Variants in RFPL2 observed in about 807,000 individuals in gnomAD.
RFPL2 encodes ret finger protein like 2.
Under a neutral mutation model 17.8 loss-of-function variants are expected in RFPL2, and 13 were observed. That is an observed-to-expected ratio of 0.73 (90% CI 0.47 to 1.16). The LOEUF is 1.16. Ranked by LOEUF, RFPL2 falls within the 50% of genes most tolerant of loss-of-function variation. The pLI is 0.00. For missense variants in RFPL2, 431 were observed against 479.3 expected, an observed-to-expected ratio of 0.90 and a Z score of 0.94; for synonymous variants, 189 against 180.9, an observed-to-expected ratio of 1.04 and a Z score of -0.36.
In RFPL2 at chr22:32,192,921, T is replaced by TGG; in HGVS notation, c.535_536dup (p.Arg180GlnfsTer10). ...CCTTACCTTGGAACTTCCGCATCCT[T>TGG]GGGTTCATCTGCAGAATCTTCTTCA... is the stretch of plus-strand genomic sequence containing the variant. On this transcript the variant is annotated frameshift_variant, in exon 4 of 5. Transcript: ENST00000652607. LOFTEE classifies it low-confidence loss of function (END_TRUNC). 1 of 1,613,336 alleles carries TGG rather than the reference T, an allele frequency of 6.2e-7. No homozygotes were observed. The highest frequency in any genetic ancestry group is 8.5e-7 in the Non-Finnish European group (1 of 1,179,548).
At position 32,191,060 on chromosome 22, in the gene RFPL2, A is replaced by T; in HGVS notation, c.849T>A (p.Asp283Glu). 1 of 1,613,946 alleles carries T rather than the reference A, an allele frequency of 6.2e-7. No individual in the cohort carries two copies. The highest frequency in any genetic ancestry group is 2.2e-5 in the East Asian group (1 of 44,888). The change falls in exon 5 of 5, where the codon GAT (aspartate) becomes GAA (glutamate). Residue 283 changes from aspartate (D) to glutamate (E), a missense_variant. Asp to Glu is a conservative substitution (Grantham distance 45, BLOSUM62 2). Transcript: ENST00000652607. The stretch of plus-strand genomic sequence containing the variant: ...CCGTGGTGGCAGAGAGGCGGCCTCC[A>T]TCCCTCAAACTCACAGTCCAGAATC... ...ELGFWTVSLR[D>E]GGRLSATTVP... is the part of the protein sequence containing the mutation.
chr22:32,201,762 C>A lies in RFPL2; in HGVS notation c.119+571G>T, dbSNP rs115337579. Among the ~76,000 whole-genome samples, 1,249 of 152,242 alleles carry A rather than the reference C, an allele frequency of 8.2e-3. 18 individuals are homozygous for A. The highest frequency in any genetic ancestry group is 0.028 in the African/African-American group (1,182 of 41,528). Reference sequence around the variant, plus strand: ...GAACATAGCCCAGCCCCACCCAGCCCCTCTTGCATTGTCCCTGCTCTGTAG... The same window carrying A: ...GAACATAGCCCAGCCCCACCCAGCCACTCTTGCATTGTCCCTGCTCTGTAG... On this transcript the variant is annotated intron_variant, in intron 2 of 4. Coordinates refer to ENST00000652607, the MANE Select transcript of RFPL2 (RefSeq NM_001394555.1).
In RFPL2 at chr22:32,202,406, A is replaced by G; in HGVS notation, c.46T>C (p.Ser16Pro). 6.2e-7 allele frequency: 1 copy of G among 1,604,754 alleles called. No homozygotes were observed. The highest frequency in any genetic ancestry group is 8.5e-7 in the Non-Finnish European group (1 of 1,175,736). ...LGFPETAVSQ[S>P]RICLCAVLCG... ...AATACAGCACATAGACAGATCCTGG[A>G]TTGGGACACTGCAGTCTCTGGGAAG... Residue 16 changes from serine to proline, a missense_variant, in exon 2 of 5, where the codon TCC (serine) becomes CCC (proline). By Grantham distance (74) the Ser-to-Pro change is moderately conservative. Coordinates refer to ENST00000652607, the MANE Select transcript of RFPL2 (RefSeq NM_001394555.1).
At chr22:32,202,761 C>G (rs1407669149) in intron 1 of RFPL2, 2 of 1,124,720 alleles carry the variant, frequency 1.8e-6, no homozygotes, top group African/African-American at 3.2e-5. Flanking sequence ...CAGCTGCAGC[C>G]ACCCTGGCTG....
chr22:32,195,332 T>C (rs1166448773), intron 2 of RFPL2, among the ~76,000 whole-genome samples: 1 of 152,244 alleles, frequency 6.6e-6, no homozygotes, highest in Non-Finnish European at 1.5e-5. Context: ...TACTTTTTTT[T>C]CCTCTTTACT....
In RFPL2 at chr22:32,190,762, G is replaced by C. The variant is rs1162751178; in HGVS notation, c.*10C>G. 1 of 1,492,426 alleles carries C rather than the reference G, an allele frequency of 6.7e-7. No homozygotes were observed. Among genetic ancestry groups the C allele is most frequent in the African/African-American group, 1.4e-5 (1 of 70,792 alleles). 92.4% of individuals were successfully genotyped at this position (1,492,426 alleles called of 1,614,324 possible). ...TCTTACCCTGTTTTTTGTTTTTTTG[G>C]AGTGAGGGCTTATTTGGCCTCCCCA... is the stretch of plus-strand genomic sequence containing the variant. On this transcript the variant is annotated 3_prime_UTR_variant, in exon 5 of 5. Coordinates refer to ENST00000652607, the MANE Select transcript of RFPL2 (RefSeq NM_001394555.1).
At chr22:32,202,571 G>GT in intron 1 of RFPL2, 21 bp from the exon 2 acceptor site, 1 of 1,482,502 alleles carries the variant, frequency 6.7e-7, no homozygotes, top group South Asian at 1.4e-5. Context: ...ATGCAGAGTG[G>GT]TAACATTAGA....
intron 2 of RFPL2, among the ~76,000 whole-genome samples, chr22:32,196,408 G>A (rs1471762634): frequency 1.3e-5 from 2 of 152,176 alleles, no homozygotes; most frequent in Non-Finnish European, 2.9e-5. Context: ...ATGATTTACA[G>A]TGGGATGAGA....
chr22:32,202,355 T>C lies in RFPL2; in HGVS notation c.97A>G (p.Met33Val), dbSNP rs374900184. 32 of 1,603,336 alleles carry C rather than the reference T, an allele frequency of 2.0e-5. No homozygotes were observed. In the South Asian group the frequency reaches 2.0e-4, roughly 10 times the overall value. The change falls in exon 2 of 5, where the codon ATG becomes GTG. Residue 33 changes from methionine (M) to valine (V), a missense_variant. Coordinates refer to ENST00000652607, the MANE Select transcript of RFPL2 (RefSeq NM_001394555.1). ...VLCGHWDFAD[M>V]MVIRSLSLIR... ...CACCTCAGGCTCCTTATCACCATCA[T>C]GTCTGCAAAGTCCCAGTGGCCACAC...
At chr22:32,191,419 C>G in intron 4 of RFPL2, 67 bp from the exon 5 acceptor site, 1 of 1,513,370 alleles carries the variant, frequency 6.6e-7, no homozygotes, top group Non-Finnish European at 8.9e-7. Context: ...TCTTCTACTT[C>G]AAAGGCCCAA....
Position 32,204,894 on chromosome 22 carries a change from T to C in RFPL2, c.-287A>G, listed in dbSNP as rs537014168. Among the ~76,000 whole-genome samples, 162 of 152,344 alleles carry C rather than the reference T, an allele frequency of 1.1e-3. No homozygotes were observed. Among genetic ancestry groups the C allele is most frequent in the African/African-American group, 3.7e-3 (155 of 41,584 alleles). On this transcript the variant is annotated 5_prime_UTR_variant, in exon 1 of 5. Transcript: ENST00000652607. ...GTTCTGACTGGATGACAGCAAGTCT[T>C]AGGATAACCAATCAGAACAAGATAA...
At position 32,192,152 on chromosome 22, in the gene RFPL2, T is replaced by TA. The variant is rs780128501; in HGVS notation, c.556+749dup. The stretch of plus-strand genomic sequence containing the variant: ...CAGCAGAGAGACAGTCAGTTTTGGG[T>TA]AGGTGGAAGAGTAGAGATCGTGGGT... On this transcript the variant is annotated intron_variant, in intron 4 of 4. Transcript: ENST00000652607. 3.9e-5 allele frequency among the ~76,000 whole-genome samples: 6 copies of TA among 152,228 alleles called. No homozygotes were observed. In the East Asian group the frequency reaches 5.8e-4, roughly 15 times the overall value.
intron 1 of RFPL2, among the ~76,000 whole-genome samples, chr22:32,203,749 G>A (rs901948700): frequency 1.3e-5 from 2 of 150,262 alleles, no homozygotes; most frequent in Non-Finnish European, 3.0e-5. Context: ...GTCCCAGGTA[G>A]CGCCCCCAAT....
At position 32,203,821 on chromosome 22, in the gene RFPL2, C is replaced by A. The variant is rs537766607; in HGVS notation, c.-100+886G>T. Among the ~76,000 whole-genome samples, 29 of 151,640 alleles carry A rather than the reference C, an allele frequency of 1.9e-4. No homozygotes were observed. In the South Asian group the frequency reaches 5.4e-3, roughly 28 times the overall value. ...GCCCTCAACAAGCCCCTCCACTGAC[C>A]CCCGCCGCTGTGGGAAATGACGCCC... On this transcript the variant is annotated intron_variant, in intron 1 of 4. Coordinates refer to ENST00000652607, the MANE Select transcript of RFPL2 (RefSeq NM_001394555.1).
At chr22:32,204,011 C>T (rs886503555) in intron 1 of RFPL2, among the ~76,000 whole-genome samples, 2 of 150,496 alleles carry the variant, frequency 1.3e-5, no homozygotes, top group African/African-American at 4.9e-5. Flanking sequence ...TCCCTCTGCC[C>T]CTCTCCTCCC....
intron 3 of RFPL2, chr22:32,193,516 C>A: frequency 1.4e-6 from 2 of 1,387,418 alleles, no homozygotes; most frequent in Non-Finnish European, 1.9e-6. Flanking sequence ...GGGGTCATTT[C>A]ACCTCCTCCT....
rs776160062 is a variant in RFPL2, at chr22:32,202,346, T to C, written c.106A>G (p.Ile36Val). The change falls in exon 2 of 5, where the codon ATA becomes GTA. Residue 36 changes from isoleucine (I) to valine (V), a missense_variant. Ile to Val is a conservative substitution (Grantham distance 29, BLOSUM62 3). Coordinates refer to ENST00000652607, the MANE Select transcript of RFPL2 (RefSeq NM_001394555.1). ...ATTGTCTCTCACCTCAGGCTCCTTA[T>C]CACCATCATGTCTGCAAAGTCCCAG... Reference protein sequence around the residue: ...GHWDFADMMVIRSLSLIRLEG... With the variant: ...GHWDFADMMVVRSLSLIRLEG... 10 of 1,600,860 alleles carry C rather than the reference T, an allele frequency of 6.2e-6. No homozygotes were observed. The highest frequency in any genetic ancestry group is 2.6e-6 in the Non-Finnish European group (3 of 1,173,804).
At chr22:32,200,140 C>T (rs1315796478) in intron 2 of RFPL2, 2 of 386,312 alleles carry the variant, frequency 5.2e-6, no homozygotes, top group Non-Finnish European at 1.0e-5. Context: ...AGCCTGACAC[C>T]CCATCAATGG....
chr22:32,203,698 T>G (rs1358888298), intron 1 of RFPL2, among the ~76,000 whole-genome samples: 3 of 146,110 alleles, frequency 2.1e-5, no homozygotes, highest in African/African-American at 7.9e-5. Context: ...GAGTGATGCC[T>G]CGGATAACAC....
Sources: gnomAD v4.1 joint callset for allele counts (sites outside exome capture counted in the v4.1 genomes callset) on GRCh38, gnomAD v4.1.1 for gene constraint, MANE v1.5 for transcripts, NCBI Gene and HGNC (gene_info 2026-07-23, HGNC 2026-07-21) for gene names.